The following RASA2 variants were observed in gnomAD, a reference collection of about 807,000 sequenced individuals.
RASA2 encodes RAS p21 protein activator 2.
In RASA2, 155 loss-of-function variants were observed where a neutral mutation model predicts 118.2. The ratio of observed to expected loss-of-function variants is 1.31; its 90% confidence interval spans 1.15 to 1.50. The LOEUF is 1.50. Ranked by LOEUF, RASA2 falls within the 40% of genes most tolerant of loss-of-function variation. The pLI is 0.00. For synonymous variants in RASA2, 353 were observed against 349.1 expected, an observed-to-expected ratio of 1.01 and a Z score of -0.12; for missense variants, 1,016 against 1,009.6, an observed-to-expected ratio of 1.01 and a Z score of -0.09.
intron 14 of RASA2, among the ~76,000 whole-genome samples, 186 bp downstream of exon 14, chr3:141,574,253 T>G (rs1385842164): frequency 6.6e-6 from 1 of 151,926 alleles, no homozygotes; most frequent in Non-Finnish European, 1.5e-5. Flanking sequence ...GCAGTGGCGC[T>G]ATCTTGGCTC....
intron 9 of RASA2, among the ~76,000 whole-genome samples, chr3:141,562,449 C>T (rs1228125180): frequency 2.2e-4 from 32 of 148,750 alleles, no homozygotes; most frequent in African/African-American, 7.3e-4. Context: ...TGGTGAAACC[C>T]CATCTCTACT....
chr3:141,528,868 C>T (rs1033253180), intron 3 of RASA2, among the ~76,000 whole-genome samples: 4 of 151,910 alleles, frequency 2.6e-5, no homozygotes, highest in African/African-American at 9.7e-5. Context: ...TCTTACTTGA[C>T]AAAAGAAAGT....
intron 5 of RASA2, 48 bp from the exon 6 acceptor site, chr3:141,553,809 T>C (rs2082607760): frequency 6.3e-7 from 1 of 1,577,100 alleles, no homozygotes; most frequent in Admixed American, 2.0e-5. Context: ...ATGTTTTATC[T>C]TGTTTAACTG....
chr3:141,492,463 C>G (rs777807399), intron 1 of RASA2, among the ~76,000 whole-genome samples: 2 of 152,034 alleles, frequency 1.3e-5, no homozygotes, highest in Non-Finnish European at 2.9e-5. Context: ...TCAAAAACCC[C>G]TATCTAAAGT....
intron 6 of RASA2, among the ~76,000 whole-genome samples, chr3:141,554,397 CAG>C: frequency 6.6e-6 from 1 of 152,268 alleles, no homozygotes; most frequent in East Asian, 1.9e-4. Context: ...CTGTCCTCTA[CAG>C]AGAGAATTCC....
Position 141,571,454 on chromosome 3 carries a change from A to T in RASA2, c.1069A>T (p.Lys357Ter). 6.2e-7 allele frequency: 1 copy of T among 1,613,776 alleles called. No homozygotes were observed. The highest frequency in any genetic ancestry group is 8.5e-7 in the Non-Finnish European group (1 of 1,179,824). ...AYILSEICRD[K>*]NDAVLPLVRL... Reference sequence around the variant, plus strand: ...CATTTTGAGTGAAATATGTCGAGATAAAAATGATGCTGTTTTGCCCCTTGT... The same window carrying T: ...CATTTTGAGTGAAATATGTCGAGATTAAAATGATGCTGTTTTGCCCCTTGT... Residue 357 changes from lysine (K) to a stop codon, truncating the protein, a stop_gained, in exon 11 of 24, where the codon AAA becomes TAA. Transcript: ENST00000286364. LOFTEE classifies it high-confidence loss of function.
intron 3 of RASA2, among the ~76,000 whole-genome samples, chr3:141,527,601 A>G (rs1368600612): frequency 6.6e-6 from 1 of 152,048 alleles, no homozygotes; most frequent in East Asian, 1.9e-4. Flanking sequence ...GGACTACTTG[A>G]TAGAATTATG....
At chr3:141,580,595 T>G in intron 16 of RASA2, 144 bp downstream of exon 16, 1 of 551,366 alleles carries the variant, frequency 1.8e-6, no homozygotes, top group Non-Finnish European at 3.1e-6. Context: ...ATAGCTGTCT[T>G]TTAAGTAGAT....
chr3:141,561,145 C>T (rs1010036048), intron 9 of RASA2, among the ~76,000 whole-genome samples: 1 of 152,100 alleles, frequency 6.6e-6, no homozygotes, highest in African/African-American at 2.4e-5. Context: ...ACCTGTCATC[C>T]TCCCACTACA....
chr3:141,550,384 G>C (rs140877520), intron 5 of RASA2, among the ~76,000 whole-genome samples: 27 of 152,290 alleles, frequency 1.8e-4, no homozygotes, highest in African/African-American at 6.3e-4. Flanking sequence ...CAAGATCACG[G>C]GGCAAAGAAG....
chr3:141,497,793 G>A (rs890237200), intron 1 of RASA2, among the ~76,000 whole-genome samples: 1 of 151,472 alleles, frequency 6.6e-6, no homozygotes, highest in African/African-American at 2.4e-5. Flanking sequence ...AATCACTTGA[G>A]CCCAGGAGGT....
intron 19 of RASA2, among the ~76,000 whole-genome samples, chr3:141,601,536 A>T (rs1462179719): frequency 6.6e-6 from 1 of 152,218 alleles, no homozygotes; most frequent in Non-Finnish European, 1.5e-5. Context: ...GGATTTCTTG[A>T]AGAGAACATT....
chr3:141,515,953 A>G (rs913101205), intron 2 of RASA2, among the ~76,000 whole-genome samples: 1 of 150,636 alleles, frequency 6.6e-6, no homozygotes, highest in African/African-American at 2.4e-5. Flanking sequence ...CGCAAAGACA[A>G]AAAAACCAAA....
chr3:141,586,250 T>C (rs986806091), intron 18 of RASA2, 152 bp downstream of exon 18: 15 of 648,158 alleles, frequency 2.3e-5, no homozygotes, highest in Non-Finnish European at 3.8e-5. Context: ...TTTACTGTCC[T>C]ACAAACTTTA....
chr3:141,513,579 G>T (rs1431645921), intron 2 of RASA2, among the ~76,000 whole-genome samples: 1 of 151,972 alleles, frequency 6.6e-6, no homozygotes, highest in Non-Finnish European at 1.5e-5. Context: ...AGTTCTTTTT[G>T]CATTGATTTC....
intron 3 of RASA2, among the ~76,000 whole-genome samples, chr3:141,521,702 T>C (rs1354162274): frequency 6.6e-6 from 1 of 152,156 alleles, no homozygotes; most frequent in Non-Finnish European, 1.5e-5. Flanking sequence ...GTGATAACTT[T>C]TTCTTAAATG....
At chr3:141,487,766 C>A (rs1159120096) in intron 1 of RASA2, among the ~76,000 whole-genome samples, 2 of 151,954 alleles carry the variant, frequency 1.3e-5, no homozygotes, top group Non-Finnish European at 2.9e-5. Context: ...AAAAAGGCGC[C>A]CTGAGCTGCA....
At chr3:141,494,620 GC>G (rs2081678258) in intron 1 of RASA2, among the ~76,000 whole-genome samples, 1 of 152,138 alleles carries the variant, frequency 6.6e-6, no homozygotes. Context: ...GCCTGCTTCA[GC>G]CTCCCAAAGT....
In RASA2 at chr3:141,487,054, G is replaced by T; in HGVS notation, c.-30G>T. On this transcript the variant is annotated 5_prime_UTR_variant, in exon 1 of 24. Transcript: ENST00000286364. ...TCCGCCTCGCCCGGCTACGCAGGCG[G>T]CAGGGCTGCGGCACGGGCCGGGCGG... 8.2e-7 allele frequency: 1 copy of T among 1,222,304 alleles called. No homozygotes were observed. The highest frequency in any genetic ancestry group is 1.0e-6 in the Non-Finnish European group (1 of 976,112). The allele number at this position is 1,222,304 out of a possible 1,614,324, so 75.7% of individuals were successfully genotyped here.
Sources: gnomAD v4.1 joint callset for allele counts (sites outside exome capture counted in the v4.1 genomes callset) on GRCh38, gnomAD v4.1.1 for gene constraint, MANE v1.5 for transcripts, NCBI Gene and HGNC (gene_info 2026-07-23, HGNC 2026-07-21) for gene names.